The following AFAP1 variants were observed in gnomAD, a reference collection of about 807,000 sequenced individuals.
The protein encoded by AFAP1 is actin filament associated protein 1, also known as actin filament-associated protein 1.
AFAP1 carries 75 observed loss-of-function variants against 93.9 expected under a neutral mutation model. The observed-to-expected ratio is 0.80, with a 90% CI of 0.66 to 0.97. AFAP1 has a LOEUF of 0.97. Among genes scored for constraint, AFAP1 ranks in the 50% least tolerant of loss-of-function variants. AFAP1 has a pLI of 0.00. For synonymous variants in AFAP1, 517 were observed against 430.7 expected (o/e 1.20, Z -2.48); for missense variants, 1,201 against 1,050.8 (o/e 1.14, Z -1.98).
At chr4:7,769,519 T>G (rs1715112753) in intron 16 of AFAP1, among the ~76,000 whole-genome samples, 1 of 152,138 alleles carries the variant, frequency 6.6e-6, no homozygotes, top group Non-Finnish European at 1.5e-5. Context: ...CTTCCTAGTG[T>G]TTACGGCAGC....
intron 1 of AFAP1, among the ~76,000 whole-genome samples, chr4:7,896,041 A>G (rs1479502534): frequency 6.6e-6 from 1 of 151,854 alleles, no homozygotes; most frequent in Non-Finnish European, 1.5e-5. Context: ...TTGTACTTTT[A>G]GTAGAGACTG....
chr4:7,800,749 T>C, intron 9 of AFAP1, 96 bp from the exon 10 acceptor site: 1 of 1,207,094 alleles, frequency 8.3e-7, no homozygotes, highest in Non-Finnish European at 1.2e-6. Context: ...GGGATGGGAG[T>C]GTGGATAAAA....
intron 17 of AFAP1, among the ~76,000 whole-genome samples, chr4:7,768,356 G>C (rs776864073): frequency 2.0e-5 from 3 of 152,260 alleles, no homozygotes; most frequent in Non-Finnish European, 4.4e-5. Flanking sequence ...AGCTGCCCCA[G>C]GAGGGAGTAA....
intron 1 of AFAP1, among the ~76,000 whole-genome samples, chr4:7,903,139 G>A (rs1308477787): frequency 6.6e-6 from 1 of 152,210 alleles, no homozygotes; most frequent in African/African-American, 2.4e-5. Flanking sequence ...CTGTCATGAA[G>A]TGACAGAAGA....
At chr4:7,783,109 A>G (rs923016276) in intron 12 of AFAP1, among the ~76,000 whole-genome samples, 1 of 152,146 alleles carries the variant, frequency 6.6e-6, no homozygotes, top group Admixed American at 6.5e-5. Context: ...AAGCTGAAAC[A>G]GTGCCACGAT....
rs1305391692 is a variant in AFAP1 at position 7,762,352 on chromosome 4, C to G, written c.*1413G>C. The stretch of plus-strand genomic sequence containing the variant: ...AAGGCTTACACCAAGTATGGCACCT[C>G]TGTATTCTATGCTTGGGGAAGGGGC... On this transcript the variant is annotated 3_prime_UTR_variant, in exon 18 of 18. Transcript: ENST00000420658. 2 of 152,228 alleles carry G rather than the reference C, an allele frequency of 1.3e-5. No individual in the cohort carries two copies. The highest frequency in any genetic ancestry group is 2.9e-5 in the Non-Finnish European group (2 of 68,076). The allele number at this position is 152,228 out of a possible 1,614,324, so 9.4% of individuals were successfully genotyped here.
intron 1 of AFAP1, among the ~76,000 whole-genome samples, chr4:7,914,011 T>G (rs1472597901): frequency 6.6e-6 from 1 of 152,180 alleles, no homozygotes; most frequent in Non-Finnish European, 1.5e-5. Flanking sequence ...TTTCTTTGTG[T>G]TGGTAACGTT....
At chr4:7,805,178 G>C (rs1417346808) in intron 9 of AFAP1, among the ~76,000 whole-genome samples, 1 of 152,202 alleles carries the variant, frequency 6.6e-6, no homozygotes, top group Non-Finnish European at 1.5e-5. Context: ...GGGGATTCCA[G>C]CTGCATGCTA....
intron 6 of AFAP1, among the ~76,000 whole-genome samples, chr4:7,834,714 T>A (rs1308784525): frequency 6.6e-6 from 1 of 152,170 alleles, no homozygotes; most frequent in Non-Finnish European, 1.5e-5. Context: ...CTCCAATGGC[T>A]CAGTGGGAAG....
chr4:7,779,099 A>G (rs1229549660), intron 13 of AFAP1: 1 of 527,126 alleles, frequency 1.9e-6, no homozygotes, highest in East Asian at 3.3e-5. Context: ...GCTCTGTAGG[A>G]TGTGTTCCGC....
At chr4:7,904,932 C>T (rs890268934) in intron 1 of AFAP1, among the ~76,000 whole-genome samples, 6 of 152,102 alleles carry the variant, frequency 3.9e-5, no homozygotes, top group Non-Finnish European at 7.4e-5. Flanking sequence ...TGGTCCCGAA[C>T]TCTGGGCTCA....
chr4:7,769,062 T>C (rs142954070), intron 16 of AFAP1, 54 bp from the exon 17 acceptor site: 17 of 1,506,108 alleles, frequency 1.1e-5, no homozygotes, highest in Non-Finnish European at 1.4e-5. Context: ...CCACTGGTAT[T>C]CTCCAGCAGG....
rs141220476 is a variant in AFAP1 at position 7,824,127 on chromosome 4, C to G, written c.727-4956G>C. On this transcript the variant is annotated intron_variant, in intron 6 of 17. Coordinates refer to ENST00000420658, the MANE Select transcript of AFAP1 (RefSeq NM_001134647.2). ...AAGTAAAGCACTGATCACTCCAATTCTTTGAACAGCTATAAATGAGGCTTC... is the reference window on the plus strand; with the variant it reads ...AAGTAAAGCACTGATCACTCCAATTGTTTGAACAGCTATAAATGAGGCTTC... 6.3e-3 allele frequency among the ~76,000 whole-genome samples: 961 copies of G among 152,268 alleles called. 4 individuals carry two copies. The highest frequency in any genetic ancestry group is 9.4e-3 in the Non-Finnish European group (637 of 68,024).
chr4:7,774,803 C>A lies in AFAP1; in HGVS notation c.1998G>T (p.Arg666=), dbSNP rs1715928555. Residue 666 remains arginine (R), a synonymous_variant, in exon 15 of 18, where the codon CGG becomes CGT. Transcript: ENST00000420658. ...EELLKRKEAL[R]NRLAQLRKER... ...CCTTGCGGAGCTGGGCCAGCCTATT[C>A]CGCAGGGCCTCTTTCCTCTTCAGCA... is the stretch of plus-strand genomic sequence containing the variant. The A allele has an allele frequency of 1.2e-6, 2 of 1,614,240 alleles. No homozygotes were observed. The highest frequency in any genetic ancestry group is 8.5e-7 in the Non-Finnish European group (1 of 1,180,050).
intron 10 of AFAP1, among the ~76,000 whole-genome samples, chr4:7,797,936 ATG>A (rs1718595043): frequency 1.3e-5 from 2 of 152,242 alleles, no homozygotes; most frequent in South Asian, 2.1e-4. Flanking sequence ...GACAGCAAGC[ATG>A]CGGAATGTTG....
intron 8 of AFAP1, 104 bp downstream of exon 8, chr4:7,815,914 C>A: frequency 9.8e-7 from 1 of 1,018,102 alleles, no homozygotes; most frequent in South Asian, 1.6e-5. Context: ...TCTGAATCAC[C>A]CAGGACATTT....
At chr4:7,911,624 T>G (rs140576933) in intron 1 of AFAP1, among the ~76,000 whole-genome samples, 1 of 152,182 alleles carries the variant, frequency 6.6e-6, no homozygotes, top group Admixed American at 6.5e-5. Flanking sequence ...GAAATGGAGT[T>G]TCTGAGTTTA....
chr4:7,896,279 A>T (rs188414292), intron 1 of AFAP1, among the ~76,000 whole-genome samples: 1 of 152,242 alleles, frequency 6.6e-6, no homozygotes, highest in Admixed American at 6.5e-5. Flanking sequence ...TTGGTTTTCC[A>T]GCTAAGGAAT....
intron 3 of AFAP1, among the ~76,000 whole-genome samples, chr4:7,865,758 G>A (rs7376416): frequency 0.074 from 11,320 of 152,290 alleles, 640 homozygotes; most frequent in African/African-American, 0.15. Flanking sequence ...CAGCTGGCAC[G>A]TGAGGGACAT....
Sources: allele counts gnomAD v4.1 joint callset (sites outside exome capture counted in the v4.1 genomes callset), GRCh38; gene constraint gnomAD v4.1.1; transcripts MANE v1.5; gene names NCBI Gene and HGNC (gene_info 2026-07-23, HGNC 2026-07-21).